RPS6KC1: variants seen among roughly 807,000 people sequenced by gnomAD.
RPS6KC1 encodes the protein ribosomal protein S6 kinase C1.
RPS6KC1 carries 54 observed loss-of-function variants against 103.8 expected under a neutral mutation model. The observed-to-expected ratio is 0.52, with a 90% CI of 0.42 to 0.65. RPS6KC1 has a LOEUF of 0.65. RPS6KC1 is among the 30% of genes least tolerant of loss of function. The pLI, the probability that RPS6KC1 is intolerant of heterozygous loss-of-function variation, is 0.00. For synonymous variants in RPS6KC1, 439 were observed against 438.7 expected (o/e 1.00, Z -0.01); for missense variants, 1,151 against 1,253.8 (o/e 0.92, Z 1.24).
chr1:213,074,806 T>A (rs969625501), intron 2 of RPS6KC1, among the ~76,000 whole-genome samples: 2 of 151,792 alleles, frequency 1.3e-5, no homozygotes, highest in African/African-American at 4.8e-5. Flanking sequence ...TCCTTAAGTT[T>A]GTCTTGCAGT....
At chr1:213,722,938 G>A in the RPS6KC1 span, among the ~76,000 whole-genome samples, 3 of 152,158 alleles carry the variant, frequency 2.0e-5, no homozygotes, top group African/African-American at 7.2e-5. Flanking sequence ...CAGCACTTTG[G>A]GAGGCCGAGG....
chr1:213,486,521 C>A, the RPS6KC1 span, among the ~76,000 whole-genome samples: 1 of 143,200 alleles, frequency 7.0e-6, no homozygotes, highest in Admixed American at 7.5e-5. Flanking sequence ...CAGCTGGGAC[C>A]TGACAGGCAA....
the RPS6KC1 span, among the ~76,000 whole-genome samples, chr1:213,341,467 G>A: frequency 2.6e-4 from 39 of 152,194 alleles, no homozygotes; most frequent in Non-Finnish European, 4.0e-4. Flanking sequence ...TACCATGTAG[G>A]AATTTGTTCT....
At chr1:213,102,008 C>T (rs774282748) in intron 3 of RPS6KC1, among the ~76,000 whole-genome samples, 59 of 151,870 alleles carry the variant, frequency 3.9e-4, no homozygotes, top group Admixed American at 6.6e-4. Context: ...GATAGGTAAG[C>T]GAGTAGTGTC....
the RPS6KC1 span, among the ~76,000 whole-genome samples, chr1:213,605,145 G>A: frequency 2.1e-4 from 32 of 152,090 alleles, no homozygotes; most frequent in African/African-American, 5.8e-4. Flanking sequence ...ATTGCACTTC[G>A]AGGCCAAAAG....
the RPS6KC1 span, among the ~76,000 whole-genome samples, chr1:213,428,522 T>TCCTTCCTTCCTTCCTTCCTTCCTTCC: frequency 2.2e-5 from 1 of 45,844 alleles, no homozygotes; most frequent in Non-Finnish European, 4.0e-5. Context: ...TCCTTCCTCT[T>TCCTTCCTTCCTTCCTTCCTTCCTTCC]TCTCTCTCTC....
At chr1:213,797,807 C>A in the RPS6KC1 span, among the ~76,000 whole-genome samples, 1 of 152,176 alleles carries the variant, frequency 6.6e-6, no homozygotes, top group African/African-American at 2.4e-5. Flanking sequence ...ACCTGGTAGG[C>A]TTTTGTCATT....
chr1:213,272,111 AG>A (rs2095060416), intron 14 of RPS6KC1, among the ~76,000 whole-genome samples: 1 of 152,216 alleles, frequency 6.6e-6, no homozygotes, highest in African/African-American at 2.4e-5. Context: ...ATAGTTGATT[AG>A]GGGTCGAAAG....
At chr1:213,666,449 G>T in the RPS6KC1 span, among the ~76,000 whole-genome samples, 8 of 152,138 alleles carry the variant, frequency 5.3e-5, no homozygotes, top group Admixed American at 1.3e-4. Context: ...AGTATTTGCA[G>T]TTATCCAATA....
chr1:213,573,751 G>A, the RPS6KC1 span, among the ~76,000 whole-genome samples: 1 of 152,212 alleles, frequency 6.6e-6, no homozygotes, highest in South Asian at 2.1e-4. Context: ...GGGACAGAGA[G>A]GTGGGGGTAG....
At chr1:213,068,312 T>C (rs2078517094) in intron 1 of RPS6KC1, among the ~76,000 whole-genome samples, 1 of 151,508 alleles carries the variant, frequency 6.6e-6, no homozygotes, top group Non-Finnish European at 1.5e-5. Context: ...GGTGAAACCT[T>C]GTCTCTACTA....
the RPS6KC1 span, among the ~76,000 whole-genome samples, chr1:213,454,351 A>G: frequency 6.6e-6 from 1 of 152,222 alleles, no homozygotes; most frequent in Non-Finnish European, 1.5e-5. Flanking sequence ...GAGGATAAGG[A>G]GAAACTGGTT....
the RPS6KC1 span, among the ~76,000 whole-genome samples, chr1:213,413,651 A>C: frequency 6.6e-6 from 1 of 152,198 alleles, no homozygotes; most frequent in Admixed American, 6.5e-5. Flanking sequence ...ATGGCAGCTG[A>C]CTTCCCCCAG....
At chr1:213,201,064 C>T (rs183290687) in intron 8 of RPS6KC1, among the ~76,000 whole-genome samples, 16 of 152,176 alleles carry the variant, frequency 1.1e-4, no homozygotes, top group African/African-American at 3.4e-4. Context: ...TACAACAGAC[C>T]CCCTTGACAC....
At chr1:213,493,422 A>G in the RPS6KC1 span, among the ~76,000 whole-genome samples, 3 of 152,192 alleles carry the variant, frequency 2.0e-5, no homozygotes, top group Admixed American at 2.0e-4. Context: ...CTACTGAAAT[A>G]TTTACACACA....
chr1:213,342,801 A>G, the RPS6KC1 span, among the ~76,000 whole-genome samples: 11 of 152,200 alleles, frequency 7.2e-5, no homozygotes, highest in Admixed American at 3.3e-4. Flanking sequence ...GAACTAAAAG[A>G]TAGAGATGAT....
chr1:213,668,936 T>G, the RPS6KC1 span, among the ~76,000 whole-genome samples: 5 of 152,338 alleles, frequency 3.3e-5, no homozygotes, highest in Non-Finnish European at 4.4e-5. Context: ...TCTCTCAGAC[T>G]TCACAGAATT....
At chr1:213,501,477 A>G in the RPS6KC1 span, among the ~76,000 whole-genome samples, 1 of 152,234 alleles carries the variant, frequency 6.6e-6, no homozygotes, top group Non-Finnish European at 1.5e-5. Context: ...ACAGGTTAAA[A>G]GGCATAAACC....
chr1:213,458,678 G>T, the RPS6KC1 span, among the ~76,000 whole-genome samples: 1 of 152,138 alleles, frequency 6.6e-6, no homozygotes, highest in Non-Finnish European at 1.5e-5. Context: ...GGGCATCCTT[G>T]TCTTATGCTG....
Sources: gnomAD v4.1 joint callset for allele counts (sites outside exome capture counted in the v4.1 genomes callset) on GRCh38, gnomAD v4.1.1 for gene constraint, MANE v1.5 for transcripts, NCBI Gene and HGNC (gene_info 2026-07-23, HGNC 2026-07-21) for gene names.